Variants in PDE11A observed in about 807,000 individuals in gnomAD.
PDE11A encodes dual 3',5'-cyclic-AMP and -GMP phosphodiesterase 11A.
Under a neutral mutation model 100.5 loss-of-function variants are expected in PDE11A, and 100 were observed. The ratio of observed to expected loss-of-function variants is 1.00; its 90% CI spans 0.85 to 1.18. The LOEUF (loss-of-function observed/expected upper bound fraction) is 1.18, where lower values mean the gene tolerates loss of function less well. PDE11A is among the 50% of genes most tolerant of loss of function. PDE11A has a pLI of 0.00. For missense variants in PDE11A, 1,141 were observed against 1,152.6 expected (o/e 0.99, Z 0.15); for synonymous variants, 381 against 420.8 (o/e 0.91, Z 1.16).
intron 6 of PDE11A, among the ~76,000 whole-genome samples, chr2:177,834,476 T>C (rs2083359453): frequency 6.6e-6 from 1 of 152,166 alleles, no homozygotes; most frequent in Non-Finnish European, 1.5e-5. Flanking sequence ...TTAGGGGTGT[T>C]TCACCCTCAC....
At chr2:177,868,404 G>A (rs1363113272) in intron 5 of PDE11A, among the ~76,000 whole-genome samples, 2 of 152,082 alleles carry the variant, frequency 1.3e-5, no homozygotes, top group African/African-American at 4.8e-5. Flanking sequence ...TGAGAGCATC[G>A]ATTGTAAGAT....
chr2:177,828,733 G>A (rs2083264265), intron 6 of PDE11A, among the ~76,000 whole-genome samples: 1 of 152,148 alleles, frequency 6.6e-6, no homozygotes, highest in South Asian at 2.1e-4. Flanking sequence ...AGACTAGTGT[G>A]GCTTGCATAG....
At chr2:178,008,329 T>A (rs2086236614) in intron 2 of PDE11A, among the ~76,000 whole-genome samples, 1 of 152,218 alleles carries the variant, frequency 6.6e-6, no homozygotes, top group Non-Finnish European at 1.5e-5. Flanking sequence ...CGAAATTGAC[T>A]TTATTAAGCT....
intron 2 of PDE11A, among the ~76,000 whole-genome samples, chr2:177,952,872 T>C (rs1347158372): frequency 6.6e-6 from 1 of 152,220 alleles, no homozygotes; most frequent in African/African-American, 2.4e-5. Flanking sequence ...TGACAGGCAA[T>C]TACTGCTTTT....
chr2:177,641,896 T>C (rs1052777425), intron 19 of PDE11A, among the ~76,000 whole-genome samples: 1 of 152,216 alleles, frequency 6.6e-6, no homozygotes, highest in Non-Finnish European at 1.5e-5. Context: ...TTGTGCTTCA[T>C]ATAGTTTATC....
chr2:177,790,526 A>T (rs1306339900), intron 9 of PDE11A, among the ~76,000 whole-genome samples: 1 of 152,202 alleles, frequency 6.6e-6, no homozygotes, highest in Non-Finnish European at 1.5e-5. Context: ...AACAAAAGCC[A>T]AAATTGACAA....
At chr2:177,911,118 A>G (rs575141989) in intron 2 of PDE11A, among the ~76,000 whole-genome samples, 10 of 152,228 alleles carry the variant, frequency 6.6e-5, no homozygotes, top group Admixed American at 2.0e-4. Context: ...GGCAGTAACT[A>G]TATGATAAAG....
At chr2:177,997,731 C>A (rs2086094667) in intron 2 of PDE11A, 7 of 1,503,310 alleles carry the variant, frequency 4.7e-6, no homozygotes, top group South Asian at 1.1e-5. Context: ...GAAAACTGTA[C>A]AACAAACATT....
intron 10 of PDE11A, among the ~76,000 whole-genome samples, chr2:177,744,982 G>T (rs1422606512): frequency 6.6e-6 from 1 of 152,210 alleles, no homozygotes; most frequent in Non-Finnish European, 1.5e-5. Flanking sequence ...AATATAGTGA[G>T]AGCTAGAAAC....
At chr2:177,938,709 A>G (rs1244130756) in intron 2 of PDE11A, among the ~76,000 whole-genome samples, 1 of 151,592 alleles carries the variant, frequency 6.6e-6, no homozygotes, top group Non-Finnish European at 1.5e-5. Context: ...AAGAAAGAAG[A>G]GGAATAAAGG....
intron 2 of PDE11A, among the ~76,000 whole-genome samples, chr2:177,948,067 C>T (rs2085465802): frequency 6.6e-6 from 1 of 151,650 alleles, no homozygotes; most frequent in African/African-American, 2.4e-5. Flanking sequence ...CAAAATAATA[C>T]TATGTGCATG....
intron 2 of PDE11A, among the ~76,000 whole-genome samples, chr2:177,982,133 T>C (rs959907080): frequency 6.6e-6 from 1 of 151,062 alleles, no homozygotes; most frequent in African/African-American, 2.4e-5. Flanking sequence ...TTAATGGAAC[T>C]TCAATGAATA....
intron 19 of PDE11A, among the ~76,000 whole-genome samples, chr2:177,654,245 T>A (rs1428343317): frequency 6.6e-6 from 1 of 152,204 alleles, no homozygotes; most frequent in East Asian, 1.9e-4. Context: ...GAAAGTTGGA[T>A]GCGGTGGCTC....
chr2:177,753,102 A>C (rs920533915), intron 10 of PDE11A, among the ~76,000 whole-genome samples: 1 of 152,218 alleles, frequency 6.6e-6, no homozygotes, highest in East Asian at 1.9e-4. Context: ...AATTAGGCTC[A>C]AGTCCACAAC....
intron 2 of PDE11A, among the ~76,000 whole-genome samples, chr2:177,966,357 C>T (rs541055792): frequency 1.3e-5 from 2 of 152,192 alleles, no homozygotes; most frequent in East Asian, 1.9e-4. Flanking sequence ...CTTGATTGCT[C>T]TGGCTGAGTC....
intron 2 of PDE11A, among the ~76,000 whole-genome samples, chr2:177,928,657 T>C (rs906245120): frequency 6.6e-6 from 1 of 152,226 alleles, no homozygotes; most frequent in Non-Finnish European, 1.5e-5. Flanking sequence ...ATGCCTATAA[T>C]CTCAGCACTT....
At chr2:177,834,041 T>C (rs1391814206) in intron 6 of PDE11A, among the ~76,000 whole-genome samples, 2 of 152,188 alleles carry the variant, frequency 1.3e-5, no homozygotes, top group African/African-American at 4.8e-5. Context: ...GTGGCCCTGG[T>C]ATTCAATTTG....
chr2:178,020,808 A>T (rs2086398191), intron 1 of PDE11A, among the ~76,000 whole-genome samples: 1 of 152,126 alleles, frequency 6.6e-6, no homozygotes, highest in Admixed American at 6.5e-5. Context: ...AAAAACAAAA[A>T]GGAGAAAATG....
rs1158695661 is a variant in PDE11A, at chr2:177,962,639, A to G, written c.1071+51663T>C. On this transcript the variant is annotated intron_variant, in intron 2 of 19. Transcript: ENST00000286063. The stretch of plus-strand genomic sequence containing the variant: ...GACAAACCCAATAGATCAAAATCCA[A>G]GCATACATGAAAGATGAATTAGGGT... Among the ~76,000 whole-genome samples, 4 of 152,264 alleles carry G rather than the reference A, an allele frequency of 2.6e-5. No individual in the cohort carries two copies. In the East Asian group the frequency reaches 7.7e-4, roughly 29 times the overall value.
Sources: gnomAD v4.1 joint callset for allele counts (sites outside exome capture counted in the v4.1 genomes callset) on GRCh38, gnomAD v4.1.1 for gene constraint, MANE v1.5 for transcripts, NCBI Gene and HGNC (gene_info 2026-07-23, HGNC 2026-07-21) for gene names.